ZMYND11: variants seen among roughly 807,000 people sequenced by gnomAD.
ZMYND11 encodes the protein zinc finger MYND domain-containing protein 11.
In ZMYND11, 9 loss-of-function variants were observed where a neutral mutation model predicts 84.9. That is an observed-to-expected ratio of 0.11 (90% confidence interval 0.06 to 0.18). ZMYND11 has a LOEUF of 0.18. ZMYND11 is among the 10% of genes least tolerant of loss of function. The pLI is 1.00. For missense variants in ZMYND11, 409 were observed against 761.0 expected, an observed-to-expected ratio of 0.54 and a Z score of 5.44; for synonymous variants, 250 against 244.1, an observed-to-expected ratio of 1.02 and a Z score of -0.23.
At chr10:200,920 T>C (rs760302572) in intron 2 of ZMYND11, among the ~76,000 whole-genome samples, 2 of 152,182 alleles carry the variant, frequency 1.3e-5, no homozygotes, top group African/African-American at 2.4e-5. Flanking sequence ...AAATTAGTGA[T>C]AATTGCTTCA....
chr10:189,970 A>G (rs1414639025), intron 2 of ZMYND11, among the ~76,000 whole-genome samples: 1 of 152,190 alleles, frequency 6.6e-6, no homozygotes, highest in Non-Finnish European at 1.5e-5. Flanking sequence ...GTCTGGATCA[A>G]GCAGAGGGAC....
chr10:246,714 C>T, intron 10 of ZMYND11, 52 bp from the exon 11 acceptor site: 1 of 1,571,902 alleles, frequency 6.4e-7, no homozygotes, highest in Non-Finnish European at 8.7e-7. Flanking sequence ...CTTTTACCAC[C>T]CTTCCTGCCA....
chr10:147,031 A>G (rs1259970413), intron 1 of ZMYND11, among the ~76,000 whole-genome samples: 2 of 152,228 alleles, frequency 1.3e-5, no homozygotes, highest in African/African-American at 4.8e-5. Flanking sequence ...CAGTGTGAGA[A>G]TGGACTAATA....
intron 1 of ZMYND11, among the ~76,000 whole-genome samples, chr10:137,357 A>G (rs1836352367): frequency 6.6e-6 from 1 of 152,150 alleles, no homozygotes; most frequent in African/African-American, 2.4e-5. Context: ...AGGGAGGTCT[A>G]GAGCCCTTGG....
intron 1 of ZMYND11, among the ~76,000 whole-genome samples, chr10:149,000 A>AATAGTTTTATGAAAT (rs1588444523): frequency 6.6e-6 from 1 of 152,202 alleles, no homozygotes; most frequent in East Asian, 1.9e-4. Flanking sequence ...TTTTAAAGAG[A>AATAGTTTTATGAAAT]ATAGTTTTAT....
chr10:176,604 A>G (rs1846683117), intron 1 of ZMYND11, among the ~76,000 whole-genome samples: 1 of 152,232 alleles, frequency 6.6e-6, no homozygotes, highest in South Asian at 2.1e-4. Flanking sequence ...TAGTTGAATT[A>G]AAACAATTCT....
intron 2 of ZMYND11, among the ~76,000 whole-genome samples, chr10:204,125 T>G (rs752723933): frequency 1.3e-5 from 2 of 152,198 alleles, no homozygotes; most frequent in Non-Finnish European, 2.9e-5. Context: ...TTGTTGTCCA[T>G]ATTTAAATCT....
At chr10:232,785 T>G (rs1409053212) in intron 4 of ZMYND11, among the ~76,000 whole-genome samples, 3 of 152,222 alleles carry the variant, frequency 2.0e-5, no homozygotes, top group Admixed American at 6.5e-5. Context: ...CGTTTCTAAC[T>G]GTAATAACTG....
intron 2 of ZMYND11, among the ~76,000 whole-genome samples, chr10:197,073 T>C (rs1178068457): frequency 6.6e-6 from 1 of 151,634 alleles, no homozygotes; most frequent in African/African-American, 2.4e-5. Context: ...TTCATGTATG[T>C]GTATCAATAC....
At chr10:209,781 C>A in intron 2 of ZMYND11, 108 bp from the exon 3 acceptor site, 1 of 1,123,204 alleles carries the variant, frequency 8.9e-7, no homozygotes, top group Non-Finnish European at 1.3e-6. Flanking sequence ...ACAGGACTCT[C>A]ATAAATACAA....
At chr10:171,349 C>A (rs957752201) in intron 1 of ZMYND11, among the ~76,000 whole-genome samples, 8 of 152,060 alleles carry the variant, frequency 5.3e-5, no homozygotes, top group African/African-American at 1.9e-4. Flanking sequence ...TTACATTATT[C>A]AATAATAGCA....
intron 10 of ZMYND11, among the ~76,000 whole-genome samples, chr10:245,535 G>C (rs1414637726): frequency 6.6e-6 from 1 of 152,196 alleles, no homozygotes; most frequent in Non-Finnish European, 1.5e-5. Context: ...AAATACGTGT[G>C]TTTATAGTAC....
intron 10 of ZMYND11, among the ~76,000 whole-genome samples, chr10:243,682 A>T (rs544195719): frequency 3.3e-5 from 5 of 152,254 alleles, no homozygotes; most frequent in African/African-American, 4.8e-5. Flanking sequence ...TGGATAACAC[A>T]GTGAAACCCC....
chr10:137,586 T>A (rs1013470520), intron 1 of ZMYND11, among the ~76,000 whole-genome samples: 1 of 152,192 alleles, frequency 6.6e-6, no homozygotes, highest in Non-Finnish European at 1.5e-5. Context: ...TTGGATGTTA[T>A]CAGGGAGATA....
At chr10:200,005 C>T (rs1339222535) in intron 2 of ZMYND11, among the ~76,000 whole-genome samples, 1 of 151,840 alleles carries the variant, frequency 6.6e-6, no homozygotes, top group African/African-American at 2.4e-5. Flanking sequence ...GTTGGGACTA[C>T]AGGTGTGCAC....
At chr10:170,020 T>G (rs1412254221) in intron 1 of ZMYND11, among the ~76,000 whole-genome samples, 1 of 151,930 alleles carries the variant, frequency 6.6e-6, no homozygotes, top group Non-Finnish European at 1.5e-5. Context: ...AAAGTAAACT[T>G]GAAAGAATCC....
intron 4 of ZMYND11, among the ~76,000 whole-genome samples, chr10:222,323 G>C (rs1947266420): frequency 6.6e-6 from 1 of 151,882 alleles, no homozygotes; most frequent in Non-Finnish European, 1.5e-5. Context: ...GCTTTGTATT[G>C]CCTAAGTGTA....
intron 4 of ZMYND11, among the ~76,000 whole-genome samples, chr10:234,796 A>G (rs1007667323): frequency 1.3e-5 from 2 of 152,180 alleles, no homozygotes; most frequent in Non-Finnish European, 2.9e-5. Flanking sequence ...CAGTTCATCA[A>G]ACTGCTTACT....
chr10:239,051 T>G (rs1325527621), intron 6 of ZMYND11, among the ~76,000 whole-genome samples: 1 of 152,218 alleles, frequency 6.6e-6, no homozygotes, highest in Non-Finnish European at 1.5e-5. Flanking sequence ...TCAATCTCGA[T>G]CCTCCTGTGT....
Sources: allele counts gnomAD v4.1 joint callset (sites outside exome capture counted in the v4.1 genomes callset), GRCh38; gene constraint gnomAD v4.1.1; transcripts MANE v1.5; gene names NCBI Gene and HGNC (gene_info 2026-07-23, HGNC 2026-07-21).